SLC4A5: variants seen among roughly 807,000 people sequenced by gnomAD.
The protein encoded by SLC4A5 is electrogenic sodium bicarbonate cotransporter 4.
Under a neutral mutation model 120.4 loss-of-function variants are expected in SLC4A5, and 96 were observed. The ratio of observed to expected loss-of-function variants is 0.80; its 90% CI spans 0.68 to 0.94. SLC4A5 has a LOEUF of 0.94. Among genes scored for constraint, SLC4A5 ranks in the 40% least tolerant of loss-of-function variants. SLC4A5 has a pLI of 0.00. For missense variants in SLC4A5, 1,259 were observed against 1,459.5 expected (o/e 0.86, Z 2.24); for synonymous variants, 550 against 571.1 (o/e 0.96, Z 0.53).
intron 5 of SLC4A5, 148 bp from the exon 6 acceptor site, chr2:74,315,173 C>T (rs1672927154): frequency 7.4e-6 from 5 of 677,076 alleles, no homozygotes; most frequent in South Asian, 1.7e-5. Flanking sequence ...GGTGCAGTGG[C>T]TCACACCTGT....
At chr2:74,335,105 TC>T (rs1312315586) in intron 3 of SLC4A5, among the ~76,000 whole-genome samples, 1 of 152,142 alleles carries the variant, frequency 6.6e-6, no homozygotes, top group Non-Finnish European at 1.5e-5. Context: ...ATCCTCCACT[TC>T]CTATGGGATA....
chr2:74,241,894 A>C lies in SLC4A5; in HGVS notation c.2118+100T>G, dbSNP rs1670460045. The C allele has an allele frequency of 1.7e-5, 18 of 1,064,378 alleles. No individual in the cohort carries two copies. The South Asian group carries it at 2.2e-4, about 13-fold the overall frequency. The allele number at this position is 1,064,378 out of a possible 1,614,324, so 65.9% of individuals were successfully genotyped here. ...CGTGCAGCTGGAGTTGACCTCTGCA[A>C]GTCTGGGAGGCCATAAGTTGGTCTC... On this transcript the variant is annotated intron_variant, in intron 20 of 30. Transcript: ENST00000394019.
intron 6 of SLC4A5, among the ~76,000 whole-genome samples, chr2:74,308,322 A>AT (rs1343999899): frequency 6.6e-6 from 1 of 152,220 alleles, no homozygotes; most frequent in African/African-American, 2.4e-5. Flanking sequence ...CAAAGTGGTT[A>AT]TATCGTTTGC....
chr2:74,262,357 G>C, intron 10 of SLC4A5, 125 bp from the exon 11 acceptor site: 1 of 403,856 alleles, frequency 2.5e-6, no homozygotes, highest in Non-Finnish European at 4.4e-6. Context: ...CTTCTGGGAA[G>C]AAATTCTTTT....
rs540036667 is a variant in SLC4A5, at chr2:74,295,534, A to G, written c.271+8955T>C. ...CTGTAGTCCCAGCTACTCGGGAGGC[A>G]GAGGCAAGAGAATTGCTTGAATCTG... On this transcript the variant is annotated intron_variant, in intron 7 of 30. Coordinates refer to ENST00000394019, the Ensembl canonical transcript of SLC4A5. Among the ~76,000 whole-genome samples the G allele has an allele frequency of 2.8e-4, 43 of 152,116 alleles. 1 individual carries two copies. In the South Asian group the frequency reaches 8.7e-3, roughly 31 times the overall value.
chr2:74,336,760 T>G (rs1394861228), intron 3 of SLC4A5, among the ~76,000 whole-genome samples: 2 of 152,178 alleles, frequency 1.3e-5, no homozygotes, highest in Non-Finnish European at 2.9e-5. Context: ...AGGAAGCACA[T>G]CTTGTATAAG....
chr2:74,273,372 A>G (rs1332600971), intron 8 of SLC4A5, among the ~76,000 whole-genome samples: 1 of 152,230 alleles, frequency 6.6e-6, no homozygotes, highest in African/African-American at 2.4e-5. Flanking sequence ...TGCTAAGGCT[A>G]TGTTGCCTCC....
chr2:74,239,270 C>T (rs977055807), intron 21 of SLC4A5, 65 bp downstream of exon 21: 2 of 1,513,724 alleles, frequency 1.3e-6, no homozygotes, highest in African/African-American at 1.4e-5. Context: ...TGGACCAGAA[C>T]CCTCTCTGGG....
At chr2:74,242,017 C>T (rs1273560782) in exon 20 of SLC4A5, 1 of 1,606,136 alleles carries the variant, frequency 6.2e-7, no homozygotes, top group African/African-American at 1.3e-5. Flanking sequence ...GTGTCTGGTG[C>T]CAATGGGGCT....
At chr2:74,290,264 G>A in intron 7 of SLC4A5, 1 of 985,540 alleles carries the variant, frequency 1.0e-6, no homozygotes, top group Non-Finnish European at 1.2e-6. Context: ...GAACAGCTGA[G>A]CGCTGGGGTC....
intron 7 of SLC4A5, among the ~76,000 whole-genome samples, chr2:74,292,469 G>A (rs977619933): frequency 1.7e-4 from 26 of 152,302 alleles, no homozygotes; most frequent in Admixed American, 1.4e-3. Context: ...TCCCACATGT[G>A]TGCAGCACGT....
intron 8 of SLC4A5, among the ~76,000 whole-genome samples, chr2:74,267,269 C>T (rs1261738643): frequency 6.6e-6 from 1 of 152,142 alleles, no homozygotes; most frequent in African/African-American, 2.4e-5. Flanking sequence ...AGTGTGCATG[C>T]CTTTTGACCC....
intron 2 of SLC4A5, among the ~76,000 whole-genome samples, chr2:74,341,500 T>C (rs1026426076): frequency 3.9e-5 from 6 of 152,196 alleles, no homozygotes; most frequent in Non-Finnish European, 7.4e-5. Context: ...GCAAGGACCA[T>C]GTGCTGTTTA....
exon 21 of SLC4A5, chr2:74,239,480 C>T: frequency 1.2e-6 from 2 of 1,614,072 alleles, no homozygotes; most frequent in Non-Finnish European, 8.5e-7. Flanking sequence ...GTAGCTCAGA[C>T]ACTCCTTCTT....
chr2:74,331,313 T>G (rs1050483147), intron 4 of SLC4A5, among the ~76,000 whole-genome samples: 1 of 151,304 alleles, frequency 6.6e-6, no homozygotes, highest in Non-Finnish European at 1.5e-5. Flanking sequence ...GATGGAGGTG[T>G]GTGGTTTAGG....
chr2:74,330,583 G>A (rs1282628533), intron 4 of SLC4A5, among the ~76,000 whole-genome samples: 3 of 151,736 alleles, frequency 2.0e-5, no homozygotes, highest in East Asian at 3.9e-4. Flanking sequence ...AGGTTGGTGA[G>A]GTATAGATGG....
chr2:74,231,077 G>A (rs1463069729), intron 25 of SLC4A5, among the ~76,000 whole-genome samples, 159 bp downstream of exon 25: 2 of 152,196 alleles, frequency 1.3e-5, no homozygotes, highest in African/African-American at 4.8e-5. Flanking sequence ...AAAGTGCTGG[G>A]ATTATAGGTG....
exon 31 of SLC4A5, chr2:74,218,209 A>G (rs1032024237): frequency 1.3e-5 from 2 of 152,264 alleles, no homozygotes; most frequent in Non-Finnish European, 2.9e-5. Flanking sequence ...TATTCCAAAG[A>G]TGGTCTAGTG....
intron 5 of SLC4A5, among the ~76,000 whole-genome samples, chr2:74,325,162 A>G (rs1443011987): frequency 6.6e-6 from 1 of 152,196 alleles, no homozygotes; most frequent in African/African-American, 2.4e-5. Context: ...ATGATTTTAA[A>G]ATGTGTTATT....
Sources: gnomAD v4.1 joint callset for allele counts (sites outside exome capture counted in the v4.1 genomes callset) on GRCh38, gnomAD v4.1.1 for gene constraint, MANE v1.5 for transcripts, NCBI Gene and HGNC (gene_info 2026-07-23, HGNC 2026-07-21) for gene names.